The following KIT variants were observed in gnomAD, a reference collection of about 807,000 sequenced individuals.
KIT encodes mast/stem cell growth factor receptor Kit.
KIT carries 16 observed loss-of-function variants against 105.7 expected under a neutral mutation model. The observed-to-expected ratio is 0.15, with a 90% CI of 0.10 to 0.23. The LOEUF (loss-of-function observed/expected upper bound fraction) is 0.23. KIT is among the 10% of genes least tolerant of loss of function. KIT has a pLI of 1.00. For synonymous variants in KIT, 438 were observed against 441.1 expected (o/e 0.99, Z 0.09); for missense variants, 858 against 1,213.8 (o/e 0.71, Z 4.36).
chr4:54,682,176 A>G (rs1168916692), intron 1 of KIT, among the ~76,000 whole-genome samples: 1 of 150,104 alleles, frequency 6.7e-6, no homozygotes, highest in African/African-American at 2.5e-5. Context: ...TGCAGCCTCA[A>G]CTTCCTGGGC....
At chr4:54,725,682 T>A (rs1393401395) in intron 8 of KIT, among the ~76,000 whole-genome samples, 175 bp from the exon 9 acceptor site, 1 of 152,218 alleles carries the variant, frequency 6.6e-6, no homozygotes, top group African/African-American at 2.4e-5. Flanking sequence ...TCTTCCCCAG[T>A]GCTTTTTTCA....
intron 1 of KIT, among the ~76,000 whole-genome samples, chr4:54,677,843 C>CA (rs1223432646): frequency 4.6e-5 from 7 of 152,274 alleles, no homozygotes; most frequent in African/African-American, 1.2e-4. Context: ...GAAAGCTTGA[C>CA]AATAGCTTAT....
At chr4:54,713,453 T>G (rs1188173513) in intron 7 of KIT, among the ~76,000 whole-genome samples, 1 of 152,218 alleles carries the variant, frequency 6.6e-6, no homozygotes, top group Non-Finnish European at 1.5e-5. Context: ...CAGTTACATA[T>G]GTAGGTGTAC....
intron 1 of KIT, among the ~76,000 whole-genome samples, chr4:54,669,660 T>C (rs1300024776): frequency 6.6e-6 from 1 of 150,608 alleles, no homozygotes; most frequent in Non-Finnish European, 1.5e-5. Context: ...TTTTAGTGAA[T>C]TATTTTTCTC....
In KIT at chr4:54,664,910, AAAAC is replaced by A. The variant is rs1717575083; in HGVS notation, c.67+6831_67+6834del. On this transcript the variant is annotated intron_variant, in intron 1 of 20. Transcript: ENST00000288135. ...GCCTGTTTTTTTTTTTTTTAATAGT[AAAAC>A]ATACATAAAATGAAATTTACTACCT... Among the ~76,000 whole-genome samples, 11 of 151,458 alleles carry A rather than the reference AAAAC, an allele frequency of 7.3e-5. No homozygotes were observed. In the South Asian group the frequency reaches 2.3e-3, roughly 32 times the overall value.
chr4:54,684,205 C>T (rs1416377550), intron 1 of KIT, among the ~76,000 whole-genome samples: 1 of 151,994 alleles, frequency 6.6e-6, no homozygotes, highest in Admixed American at 6.5e-5. Flanking sequence ...GTGGTGCAGC[C>T]TGACTGCCTC....
intron 7 of KIT, among the ~76,000 whole-genome samples, chr4:54,720,955 G>A (rs1721831109): frequency 6.6e-6 from 1 of 152,252 alleles, no homozygotes; most frequent in Admixed American, 6.5e-5. Flanking sequence ...CCGTATTTAC[G>A]AAAGTCACCA....
At position 54,695,526 on chromosome 4, in the gene KIT, T is replaced by C. The variant is rs1330171716; in HGVS notation, c.82T>C (p.Ser28Pro). Reference sequence around the variant, plus strand: ...TTTCTTGGCAGGCTCTTCTCAACCATCTGTGAGTCCAGGGGAACCGTCTCC... The same window carrying C: ...TTTCTTGGCAGGCTCTTCTCAACCACCTGTGAGTCCAGGGGAACCGTCTCC... The part of the protein sequence containing the change: ...LRVQTGSSQP[S>P]VSPGEPSPPS... Residue 28 changes from serine (S) to proline (P), a missense_variant, in exon 2 of 21, where the codon TCT becomes CCT. By Grantham distance (74) the Ser-to-Pro change is moderately conservative. Transcript: ENST00000288135. 6.2e-7 allele frequency: 1 copy of C among 1,614,180 alleles called. No homozygotes were observed. Among genetic ancestry groups the C allele is most frequent in the Non-Finnish European group, 8.5e-7 (1 of 1,180,030 alleles).
intron 19 of KIT, 137 bp from the exon 20 acceptor site, chr4:54,737,038 T>C: frequency 1.4e-6 from 1 of 740,398 alleles, no homozygotes; most frequent in South Asian, 1.5e-5. Context: ...ACATGCAGTG[T>C]TTTATGTTAT....
rs1304063923 is a variant in KIT at position 54,738,432 on chromosome 4, T to A, written c.2806T>A (p.Tyr936Asn). ...KQISESTNHI[Y>N]SNLANCSPNR... Reference sequence around the variant, plus strand: ...ACTATGGGCTTGTTTTCTCCAGATTTACTCCAACTTAGCAAACTGCAGCCC... The same window carrying A: ...ACTATGGGCTTGTTTTCTCCAGATTAACTCCAACTTAGCAAACTGCAGCCC... Residue 936 changes from tyrosine to asparagine, a missense_variant, in exon 21 of 21, where the codon TAC becomes AAC. By Grantham distance (143) the Tyr-to-Asn change is moderately radical. This residue lies in a region of KIT where 105 missense variants were observed against 103.5 expected (regional missense o/e 1.01). Transcript: ENST00000288135. 1.2e-6 allele frequency: 2 copies of A among 1,614,102 alleles called. No homozygotes were observed. The highest frequency in any genetic ancestry group is 1.1e-5 in the South Asian group (1 of 91,082).
At chr4:54,686,691 C>T (rs1272581487) in intron 1 of KIT, among the ~76,000 whole-genome samples, 1 of 152,106 alleles carries the variant, frequency 6.6e-6, no homozygotes, top group South Asian at 2.1e-4. Flanking sequence ...ACTACAGGAG[C>T]GTGCCACCAC....
intron 1 of KIT, among the ~76,000 whole-genome samples, chr4:54,685,358 G>A (rs1294305216): frequency 6.6e-6 from 1 of 152,032 alleles, no homozygotes; most frequent in African/African-American, 2.4e-5. Context: ...CAATCTATTG[G>A]CACCCCATCT....
At chr4:54,691,480 G>A (rs932674479) in intron 1 of KIT, among the ~76,000 whole-genome samples, 1 of 152,096 alleles carries the variant, frequency 6.6e-6, no homozygotes, top group Non-Finnish European at 1.5e-5. Flanking sequence ...ATGTGTCCCA[G>A]GGACACAGGC....
intron 7 of KIT, among the ~76,000 whole-genome samples, chr4:54,712,637 CA>C (rs1377727283): frequency 1.3e-5 from 2 of 152,204 alleles, no homozygotes; most frequent in African/African-American, 4.8e-5. Flanking sequence ...GCCATTCCAG[CA>C]GGCTCAGTTT....
At chr4:54,731,214 C>A in intron 14 of KIT, 114 bp from the exon 15 acceptor site, 1 of 771,452 alleles carries the variant, frequency 1.3e-6, no homozygotes. Flanking sequence ...TGACTTTCCT[C>A]AAATTGGTCC....
At chr4:54,705,088 A>G (rs989824845) in intron 5 of KIT, among the ~76,000 whole-genome samples, 1 of 152,272 alleles carries the variant, frequency 6.6e-6, no homozygotes, top group Admixed American at 6.5e-5. Flanking sequence ...CTTTTAAAAT[A>G]TTAAACTCCA....
intron 7 of KIT, among the ~76,000 whole-genome samples, chr4:54,710,321 A>G (rs1454194711): frequency 6.6e-6 from 1 of 152,178 alleles, no homozygotes; most frequent in Non-Finnish European, 1.5e-5. Context: ...GGAGGCCCCT[A>G]AAGACTAGGA....
rs1490714621 is a variant in KIT at position 54,658,069 on chromosome 4, C to T, written c.55C>T (p.Arg19Cys). ...TCTCTGCGTTCTGCTCCTACTGCTTCGCGTCCAGACAGGTGGGACACCGCG... is the reference window on the plus strand; with the variant it reads ...TCTCTGCGTTCTGCTCCTACTGCTTTGCGTCCAGACAGGTGGGACACCGCG... ...DFLCVLLLLL[R>C]VQTGSSQPSV... Residue 19 changes from arginine (R) to cysteine (C), a missense_variant, in exon 1 of 21, where the codon CGC (arginine) becomes TGC (cysteine). Physicochemically the swap from Arg to Cys is radical, Grantham distance 180. Coordinates refer to ENST00000288135, the MANE Select transcript of KIT (RefSeq NM_000222.3). 1 of 1,613,934 alleles carries T rather than the reference C, an allele frequency of 6.2e-7. No homozygotes were observed. The highest frequency in any genetic ancestry group is 1.1e-5 in the South Asian group (1 of 91,088).
chr4:54,733,699 T>C (rs929244365), intron 17 of KIT, among the ~76,000 whole-genome samples: 9 of 152,166 alleles, frequency 5.9e-5, no homozygotes, highest in Non-Finnish European at 1.3e-4. Flanking sequence ...GTGCTGTATT[T>C]CCTTGCCAAT....
Sources: allele counts gnomAD v4.1 joint callset (sites outside exome capture counted in the v4.1 genomes callset), GRCh38; gene constraint gnomAD v4.1.1; regional missense constraint gnomAD v4.1.1; transcripts MANE v1.5; gene names NCBI Gene and HGNC (gene_info 2026-07-23, HGNC 2026-07-21).